Variants in HS6ST3 observed in about 807,000 individuals in gnomAD.
The protein encoded by HS6ST3 is heparan-sulfate 6-O-sulfotransferase 3.
HS6ST3 carries 12 observed loss-of-function variants against 36.7 expected under a neutral mutation model. The observed-to-expected ratio is 0.33, with a 90% CI of 0.21 to 0.53. HS6ST3 has a LOEUF of 0.53. Among genes scored for constraint, HS6ST3 ranks in the 20% least tolerant of loss-of-function variants. HS6ST3 has a pLI of 0.95. For missense variants in HS6ST3, 584 were observed against 640.9 expected (o/e 0.91, Z 0.96); for synonymous variants, 240 against 257.5 (o/e 0.93, Z 0.65).
At chr13:96,759,042 C>A (rs998448442) in intron 1 of HS6ST3, among the ~76,000 whole-genome samples, 2 of 151,728 alleles carry the variant, frequency 1.3e-5, no homozygotes, top group Admixed American at 6.6e-5. Context: ...CCTAAAGAAT[C>A]AACCTTTTTA....
At chr13:96,365,307 G>C (rs1036206171) in intron 1 of HS6ST3, among the ~76,000 whole-genome samples, 1 of 152,242 alleles carries the variant, frequency 6.6e-6, no homozygotes, top group South Asian at 2.1e-4. Context: ...AGGCATTGTG[G>C]GGATTCTGGG....
chr13:96,119,876 G>GAAA (rs34371079), intron 1 of HS6ST3, among the ~76,000 whole-genome samples: 1 of 143,982 alleles, frequency 6.9e-6, no homozygotes. Flanking sequence ...AATATAATAG[G>GAAA]AAAAAAAAAA....
rs766397124 is a variant in HS6ST3, at chr13:96,304,711, C to CTTTCTTTCTTTCTT, written c.707+213145_707+213146insCTTTCTTTCTTTTT. On this transcript the variant is annotated intron_variant, in intron 1 of 1. Coordinates refer to ENST00000376705, the MANE Select transcript of HS6ST3 (RefSeq NM_153456.4). Reference sequence around the variant, plus strand: ...TCTTTCTTTCTTTCTTTCTTTCTTTCTTTTTTTTTTTTTTTTTTTTACAGA... The same window carrying CTTTCTTTCTTTCTT: ...TCTTTCTTTCTTTCTTTCTTTCTTTCTTTCTTTCTTTCTTTTTTTTTTTTTTTTTTTTTTACAGA... Among the ~76,000 whole-genome samples the CTTTCTTTCTTTCTT allele has an allele frequency of 3.5e-3, 311 of 89,308 alleles. 6 individuals carry two copies. The highest frequency in any genetic ancestry group is 0.013 in the African/African-American group (301 of 22,700). The allele number at this position is 89,308 out of a possible 152,430, so 58.6% of individuals were successfully genotyped here. A position where few individuals can be genotyped will look rare whatever the true frequency, so the allele number is the denominator to read the frequency against.
At chr13:96,091,660 C>T (rs747355786) in intron 1 of HS6ST3, 91 bp downstream of exon 1, 1 of 1,443,212 alleles carries the variant, frequency 6.9e-7, no homozygotes, top group Non-Finnish European at 9.1e-7. Context: ...GCTCCCTGCC[C>T]CTGCCGATGG....
intron 1 of HS6ST3, among the ~76,000 whole-genome samples, chr13:96,631,843 G>A (rs537742846): frequency 3.3e-5 from 5 of 152,244 alleles, no homozygotes; most frequent in Admixed American, 2.0e-4. Flanking sequence ...TGAGGTTTAC[G>A]AAAACTGCCT....
chr13:96,634,476 C>T (rs2056542338), intron 1 of HS6ST3, among the ~76,000 whole-genome samples: 3 of 152,238 alleles, frequency 2.0e-5, no homozygotes, highest in South Asian at 2.1e-4. Flanking sequence ...CATCCTAAGG[C>T]GACAGAGTCA....
intron 1 of HS6ST3, among the ~76,000 whole-genome samples, chr13:96,236,097 C>T (rs1392035133): frequency 2.0e-5 from 3 of 152,162 alleles, no homozygotes; most frequent in Non-Finnish European, 4.4e-5. Flanking sequence ...TGTTTGATGG[C>T]AGGAAGCATC....
chr13:96,779,296 T>C (rs926440796), intron 1 of HS6ST3, among the ~76,000 whole-genome samples: 5 of 150,514 alleles, frequency 3.3e-5, no homozygotes, highest in Admixed American at 3.3e-4. Flanking sequence ...TCTGCACATG[T>C]ATTCCAGAAC....
intron 1 of HS6ST3, among the ~76,000 whole-genome samples, chr13:96,372,092 T>G (rs1456662594): frequency 2.0e-5 from 3 of 152,210 alleles, no homozygotes; most frequent in African/African-American, 7.2e-5. Flanking sequence ...TCATTTTATA[T>G]TCCTACCAAC....
intron 1 of HS6ST3, among the ~76,000 whole-genome samples, chr13:96,264,177 T>C (rs1477083138): frequency 6.6e-6 from 1 of 152,248 alleles, no homozygotes; most frequent in African/African-American, 2.4e-5. Context: ...TGCAGTTTCT[T>C]ATAGCAAAGA....
chr13:96,412,003 T>C (rs1192312931), intron 1 of HS6ST3, among the ~76,000 whole-genome samples: 1 of 152,148 alleles, frequency 6.6e-6, no homozygotes, highest in African/African-American at 2.4e-5. Flanking sequence ...CTTTTCTTTA[T>C]TTTTTCTTTC....
rs537557611 is a variant in HS6ST3, at chr13:96,126,785, C to G, written c.707+35216C>G. Among the ~76,000 whole-genome samples, 5 of 152,154 alleles carry G rather than the reference C, an allele frequency of 3.3e-5. No individual in the cohort carries two copies. In the South Asian group the frequency reaches 1.0e-3, roughly 32 times the overall value. On this transcript the variant is annotated intron_variant, in intron 1 of 1. Transcript: ENST00000376705. ...TCCACAACCCTGTTGGAGGAAACCA[C>G]GCAAATGTTCAGCCTGTTGCCATGA...
chr13:96,688,632 C>T (rs1360156326), intron 1 of HS6ST3, among the ~76,000 whole-genome samples: 3 of 152,050 alleles, frequency 2.0e-5, no homozygotes, highest in South Asian at 2.1e-4. Context: ...AGAGTGTTTT[C>T]GTTGAGTTTT....
At chr13:96,658,077 C>T (rs1292071965) in intron 1 of HS6ST3, among the ~76,000 whole-genome samples, 1 of 151,952 alleles carries the variant, frequency 6.6e-6, no homozygotes, top group African/African-American at 2.4e-5. Context: ...GTTAATTTTG[C>T]CTATTCTTAA....
At chr13:96,577,315 T>C (rs890057333) in intron 1 of HS6ST3, among the ~76,000 whole-genome samples, 4 of 152,186 alleles carry the variant, frequency 2.6e-5, no homozygotes, top group African/African-American at 9.7e-5. Flanking sequence ...GGCTTCCAGC[T>C]TCATCCATGT....
At chr13:96,125,847 G>A (rs1464081221) in intron 1 of HS6ST3, among the ~76,000 whole-genome samples, 1 of 151,492 alleles carries the variant, frequency 6.6e-6, no homozygotes, top group African/African-American at 2.4e-5. Context: ...AGTTACATAT[G>A]TATACATGTG....
chr13:96,214,341 C>G (rs2054413652), intron 1 of HS6ST3, among the ~76,000 whole-genome samples: 1 of 152,076 alleles, frequency 6.6e-6, no homozygotes, highest in Non-Finnish European at 1.5e-5. Flanking sequence ...ACGAATCCCC[C>G]AAGAGGTAGA....
intron 1 of HS6ST3, among the ~76,000 whole-genome samples, chr13:96,442,625 A>G (rs2055678313): frequency 6.6e-6 from 1 of 152,212 alleles, no homozygotes; most frequent in African/African-American, 2.4e-5. Context: ...ATGAGCTTCA[A>G]ATAGCCATGC....
At chr13:96,623,237 A>G (rs552115667) in intron 1 of HS6ST3, among the ~76,000 whole-genome samples, 6 of 152,282 alleles carry the variant, frequency 3.9e-5, no homozygotes, top group African/African-American at 7.2e-5. Flanking sequence ...GATTCAGACC[A>G]TGAGTCTATG....
Sources: gnomAD v4.1 joint callset for allele counts (sites outside exome capture counted in the v4.1 genomes callset) on GRCh38, gnomAD v4.1.1 for gene constraint, MANE v1.5 for transcripts, NCBI Gene and HGNC (gene_info 2026-07-23, HGNC 2026-07-21) for gene names.